ARHGAP6: variants seen among roughly 807,000 people sequenced by gnomAD.
ARHGAP6 encodes rho GTPase-activating protein 6.
ARHGAP6 carries 16 observed loss-of-function variants against 55.7 expected under a neutral mutation model. The ratio of observed to expected loss-of-function variants is 0.29; its 90% confidence interval spans 0.19 to 0.44. The LOEUF is 0.44. Among genes scored for constraint, ARHGAP6 ranks in the 20% least tolerant of loss-of-function variants. The pLI, the probability that ARHGAP6 is intolerant of heterozygous loss-of-function variation, is 1.00. For missense variants in ARHGAP6, 698 were observed against 808.9 expected, an observed-to-expected ratio of 0.86 and a Z score of 1.66; for synonymous variants, 382 against 360.9, an observed-to-expected ratio of 1.06 and a Z score of -0.66.
At chrX:11,281,417 T>C (rs193255965) in intron 1 of ARHGAP6, among the ~76,000 whole-genome samples, 44 of 109,304 alleles carry the variant, frequency 4.0e-4, no homozygotes, top group Admixed American at 1.1e-3. Context: ...CCAAAATATA[T>C]ATATTAATAC....
rs1333285379 is a variant in ARHGAP6 at position 11,138,575 on chromosome X, A to G, written c.*288T>C. The G allele has an allele frequency of 5.3e-6, 2 of 376,098 alleles. No individual in the cohort carries two copies. The highest frequency in any genetic ancestry group is 9.1e-6 in the Non-Finnish European group (2 of 219,251). The allele number at this position is 376,098 out of a possible 1,213,427, so 31.0% of individuals were successfully genotyped here. ...TAAATACGGTTAGGCTATACCAAGCAAGAGTTGTATCTTATATTATAGAGC... is the reference window on the plus strand; with the variant it reads ...TAAATACGGTTAGGCTATACCAAGCGAGAGTTGTATCTTATATTATAGAGC... On this transcript the variant is annotated 3_prime_UTR_variant, in exon 13 of 13. Coordinates refer to ENST00000337414, the MANE Select transcript of ARHGAP6 (RefSeq NM_013427.3).
intron 1 of ARHGAP6, among the ~76,000 whole-genome samples, chrX:11,656,992 C>A (rs1177365876): frequency 8.9e-6 from 1 of 112,029 alleles, no homozygotes; most frequent in African/African-American, 3.2e-5. Flanking sequence ...TTTGCTCCAC[C>A]TACATTCCTA....
chrX:11,294,402 T>C (rs1010111173), intron 1 of ARHGAP6, among the ~76,000 whole-genome samples: 5 of 112,551 alleles, frequency 4.4e-5, no homozygotes, highest in African/African-American at 1.6e-4. Flanking sequence ...TGCACTTTGA[T>C]GATCTTCCCA....
rs183422849 is a variant in ARHGAP6 at position 11,648,927 on chromosome X, A to G, written c.588+15314T>C. ...TGCTAGTGATTCATCTCTAGTGCAC[A>G]CCTCATCATATGTAAGAAGCATGTG... On this transcript the variant is annotated intron_variant, in intron 1 of 12. Coordinates refer to ENST00000337414, the MANE Select transcript of ARHGAP6 (RefSeq NM_013427.3). 5.9e-3 allele frequency among the ~76,000 whole-genome samples: 657 copies of G among 112,119 alleles called. 17 individuals carry two copies. The highest frequency in any genetic ancestry group is 0.058 in the Admixed American group (612 of 10,524).
intron 1 of ARHGAP6, among the ~76,000 whole-genome samples, chrX:11,429,094 C>T (rs1306469085): frequency 8.9e-6 from 1 of 112,443 alleles, no homozygotes; most frequent in African/African-American, 3.2e-5. Context: ...GACAAACCAA[C>T]TGTAGTCTGT....
At chrX:11,457,360 C>T (rs1310837205) in intron 1 of ARHGAP6, among the ~76,000 whole-genome samples, 1 of 111,432 alleles carries the variant, frequency 9.0e-6, no homozygotes, top group Non-Finnish European at 1.9e-5. Context: ...AGGACATCAT[C>T]TCTGAGCTTA....
chrX:11,634,193 T>C (rs1470622264), intron 1 of ARHGAP6, among the ~76,000 whole-genome samples: 3 of 109,436 alleles, frequency 2.7e-5, no homozygotes, highest in East Asian at 5.7e-4. Flanking sequence ...TTTGTAGAGA[T>C]GGGGTCTGCC....
At chrX:11,355,001 C>A (rs2048915078) in intron 1 of ARHGAP6, among the ~76,000 whole-genome samples, 1 of 111,319 alleles carries the variant, frequency 9.0e-6, no homozygotes, top group Admixed American at 9.6e-5. Context: ...TTTAAAAATT[C>A]AAGAAATTAG....
intron 1 of ARHGAP6, among the ~76,000 whole-genome samples, chrX:11,539,354 G>C (rs1360691208): frequency 8.9e-6 from 1 of 112,250 alleles, no homozygotes; most frequent in Non-Finnish European, 1.9e-5. Flanking sequence ...GACAATTAAT[G>C]CACCACCCTT....
intron 1 of ARHGAP6, among the ~76,000 whole-genome samples, chrX:11,631,569 T>C (rs930040656): frequency 9.1e-6 from 1 of 109,824 alleles, no homozygotes; most frequent in African/African-American, 3.3e-5. Flanking sequence ...AGTGTCTCCA[T>C]AGCACGACTC....
intron 1 of ARHGAP6, among the ~76,000 whole-genome samples, chrX:11,339,973 T>A (rs544020723): frequency 8.9e-6 from 1 of 112,029 alleles, no homozygotes; most frequent in Non-Finnish European, 1.9e-5. Flanking sequence ...AAACACTTAG[T>A]CCTGTTGCTT....
rs1304015763 is a variant in ARHGAP6 at position 11,271,285 on chromosome X, A to G, written c.589-16578T>C. Reference sequence around the variant, plus strand: ...GAACCCAATCCCAAGTCAGATATTTACAAATCAGCAGGATATAAAACAAGC... The same window carrying G: ...GAACCCAATCCCAAGTCAGATATTTGCAAATCAGCAGGATATAAAACAAGC... On this transcript the variant is annotated intron_variant, in intron 1 of 12. Coordinates refer to ENST00000337414, the MANE Select transcript of ARHGAP6 (RefSeq NM_013427.3). Among the ~76,000 whole-genome samples the G allele has an allele frequency of 4.5e-5, 5 of 112,245 alleles. No homozygotes were observed. The Admixed American group carries it at 4.7e-4, about 11-fold the overall frequency.
At chrX:11,270,751 G>C (rs1461304455) in intron 1 of ARHGAP6, among the ~76,000 whole-genome samples, 4 of 111,755 alleles carry the variant, frequency 3.6e-5, no homozygotes, top group Non-Finnish European at 7.5e-5. Flanking sequence ...AGCGAGTCTA[G>C]GCAGCAATAA....
In ARHGAP6 at chrX:11,188,782, C is replaced by G; in HGVS notation, c.1023G>C (p.Pro341=). 1 of 1,211,922 alleles carries G rather than the reference C, an allele frequency of 8.3e-7. No homozygotes were observed. Among genetic ancestry groups the G allele is most frequent in the Non-Finnish European group, 1.1e-6 (1 of 895,516 alleles). ...NSSLSSTSET[P]NESTSPNTPE... ...GGGTGTTTGGGGACGTTGACTCATT[C>G]GGTGTTTCTGAGGTTGAGCTGAGAG... Residue 341 remains proline (P), a synonymous_variant, in exon 4 of 13, where the codon CCG becomes CCC. Coordinates refer to ENST00000337414, the MANE Select transcript of ARHGAP6 (RefSeq NM_013427.3).
rs777450864 is a variant in ARHGAP6, at chrX:11,509,812, G to T, written c.588+154429C>A. Among the ~76,000 whole-genome samples the T allele has an allele frequency of 2.5e-3, 283 of 111,857 alleles. 1 individual carries two copies. Among genetic ancestry groups the T allele is most frequent in the African/African-American group, 8.6e-3 (266 of 30,830 alleles). ...ACAAATGGTGAGTGGAAGGAATGTG[G>T]CTAAAGGCAAGAAAAGCTAGGTTAA... On this transcript the variant is annotated intron_variant, in intron 1 of 12. Transcript: ENST00000337414.
chrX:11,534,772 C>G (rs1248401135), intron 1 of ARHGAP6, among the ~76,000 whole-genome samples: 2 of 111,119 alleles, frequency 1.8e-5, no homozygotes, highest in Non-Finnish European at 3.8e-5. Context: ...CCAGTGTAGC[C>G]AAGGTATCAT....
chrX:11,544,695 C>T (rs1431884491), intron 1 of ARHGAP6, among the ~76,000 whole-genome samples: 2 of 112,103 alleles, frequency 1.8e-5, no homozygotes. Flanking sequence ...TTCACACTGA[C>T]ATCTTGGGTC....
intron 2 of ARHGAP6, among the ~76,000 whole-genome samples, chrX:11,247,111 G>T (rs752045735): frequency 8.9e-6 from 1 of 111,832 alleles, no homozygotes; most frequent in South Asian, 3.7e-4. Context: ...TTGCCTAAGG[G>T]ATAATGGCGA....
At chrX:11,622,828 T>G (rs5979436) in intron 1 of ARHGAP6, among the ~76,000 whole-genome samples, 17,366 of 111,310 alleles carry the variant, frequency 0.16, 1,248 homozygotes, top group Middle Eastern at 0.27. Context: ...CATTTTGTAT[T>G]TTTTTAATGG....
Sources: gnomAD v4.1 joint callset for allele counts (sites outside exome capture counted in the v4.1 genomes callset) on GRCh38, gnomAD v4.1.1 for gene constraint, MANE v1.5 for transcripts, NCBI Gene and HGNC (gene_info 2026-07-23, HGNC 2026-07-21) for gene names.